The following ADGRB1 variants were observed in gnomAD, a reference collection of about 807,000 sequenced individuals.
ADGRB1 encodes the protein adhesion G protein-coupled receptor B1, also known as brain-specific angiogenesis inhibitor 1.
A neutral mutation model predicts 175.7 loss-of-function variants in ADGRB1; 36 were observed. The ratio of observed to expected loss-of-function variants is 0.20; its 90% confidence interval spans 0.16 to 0.27. The LOEUF is 0.27. Ranked by LOEUF, ADGRB1 falls within the 10% of genes least tolerant of loss-of-function variation. The probability of loss-of-function intolerance (pLI) is 1.00; values close to 1 mark genes in which losing one functional copy is unlikely to be tolerated. For synonymous variants in ADGRB1, 1,054 were observed against 979.4 expected (o/e 1.08, Z -1.42); for missense variants, 1,731 against 2,255.3 (o/e 0.77, Z 4.71).
chr8:142,506,778 T>G (rs1313065021), intron 17 of ADGRB1, among the ~76,000 whole-genome samples: 5 of 152,184 alleles, frequency 3.3e-5, no homozygotes, highest in African/African-American at 7.2e-5. Flanking sequence ...TAAGTCGACA[T>G]GCATCCAAGA....
At chr8:142,467,124 G>A (rs1840323060) in intron 2 of ADGRB1, among the ~76,000 whole-genome samples, 1 of 152,188 alleles carries the variant, frequency 6.6e-6, no homozygotes, top group South Asian at 2.1e-4. Context: ...CGGAGGGAGC[G>A]CTGAGCTTCA....
intron 19 of ADGRB1, 78 bp from the exon 20 acceptor site, chr8:142,520,745 T>C: frequency 7.7e-7 from 1 of 1,295,598 alleles, no homozygotes; most frequent in South Asian, 1.2e-5. Flanking sequence ...GGCTCTGGTC[T>C]TGGTGCCACA....
chr8:142,478,292 C>A lies in ADGRB1; in HGVS notation c.1493C>A (p.Ser498Tyr), dbSNP rs375491096. 7 of 1,610,672 alleles carry A rather than the reference C, an allele frequency of 4.3e-6. No individual in the cohort carries two copies. The highest frequency in any genetic ancestry group is 1.3e-5 in the African/African-American group (1 of 74,870). Residue 498 changes from serine to tyrosine, a missense_variant, in exon 7 of 31, where the codon TCC (serine) becomes TAC (tyrosine). Physicochemically the swap from Ser to Tyr is moderately radical, Grantham distance 144. Transcript: ENST00000517894. ...CGCACGCGTGAATGCAACGGGCCTT[C>A]CTACGGGGGTGCGGAGTGCCAGGGC... ...QQRTRECNGP[S>Y]YGGAECQGHW...
intron 7 of ADGRB1, chr8:142,479,109 G>A (rs1187905017): frequency 8.2e-6 from 4 of 485,522 alleles, no homozygotes; most frequent in African/African-American, 6.1e-5. Flanking sequence ...TGCATGTGGG[G>A]TGTTTGCTTT....
rs1487957396 is a variant in ADGRB1, at chr8:142,449,754, G to C, written c.-570G>C. 6.8e-6 allele frequency: 1 copy of C among 146,764 alleles called. No homozygotes were observed. The highest frequency in any genetic ancestry group is 2.5e-5 in the African/African-American group (1 of 40,662). The allele number at this position is 146,764 out of a possible 1,614,324, so 9.1% of individuals were successfully genotyped here. A position where few individuals can be genotyped will look rare whatever the true frequency, so the allele number is the denominator to read the frequency against. On this transcript the variant is annotated 5_prime_UTR_variant, in exon 1 of 31. Transcript: ENST00000517894. ...GCGCGGCGTTGGCGGCGGCCCCGGCGGAGCGAGCGCGGAGCCGGAGAGCCG... is the reference window on the plus strand; with the variant it reads ...GCGCGGCGTTGGCGGCGGCCCCGGCCGAGCGAGCGCGGAGCCGGAGAGCCG...
chr8:142,491,869 A>G (rs1473272111), intron 17 of ADGRB1, among the ~76,000 whole-genome samples: 1 of 152,116 alleles, frequency 6.6e-6, no homozygotes, highest in East Asian at 1.9e-4. Context: ...CAGGCGTTGG[A>G]GGACAAGGCT....
intron 25 of ADGRB1, among the ~76,000 whole-genome samples, chr8:142,535,818 G>A (rs183978644): frequency 4.8e-4 from 73 of 152,196 alleles, no homozygotes; most frequent in African/African-American, 1.3e-3. Flanking sequence ...AGGCATTTGC[G>A]GGGCAGGTCC....
At chr8:142,483,884 C>A in intron 11 of ADGRB1, 93 bp from the exon 12 acceptor site, 1 of 1,376,402 alleles carries the variant, frequency 7.3e-7, no homozygotes, top group Non-Finnish European at 1.0e-6. Flanking sequence ...CAGCCCTGAC[C>A]CTGGTCACAC....
At chr8:142,495,731 G>T (rs76937474) in intron 17 of ADGRB1, among the ~76,000 whole-genome samples, 1 of 151,942 alleles carries the variant, frequency 6.6e-6, no homozygotes, top group Non-Finnish European at 1.5e-5. Context: ...TAATGGATCT[G>T]TGCCCCCCCG....
At chr8:142,480,743 T>G (rs1022620586) in intron 9 of ADGRB1, among the ~76,000 whole-genome samples, 1 of 152,200 alleles carries the variant, frequency 6.6e-6, no homozygotes. Context: ...GCTGTCCCTG[T>G]TTCTCTGATG....
chr8:142,513,142 C>T (rs1376631037), intron 18 of ADGRB1, among the ~76,000 whole-genome samples: 1 of 152,200 alleles, frequency 6.6e-6, no homozygotes, highest in Non-Finnish European at 1.5e-5. Flanking sequence ...CCAGACAGGA[C>T]ATTTGAGGCC....
intron 17 of ADGRB1, among the ~76,000 whole-genome samples, chr8:142,501,261 T>C (rs1013324941): frequency 6.6e-6 from 1 of 151,740 alleles, no homozygotes; most frequent in Non-Finnish European, 1.5e-5. Flanking sequence ...TTAATGGCAG[T>C]GGTGGTGGTG....
chr8:142,504,065 C>A lies in ADGRB1; in HGVS notation c.2676-6867C>A, dbSNP rs1255773773. 6.6e-6 allele frequency among the ~76,000 whole-genome samples: 1 copy of A among 152,198 alleles called. No individual in the cohort carries two copies. The highest frequency in any genetic ancestry group is 2.4e-5 in the African/African-American group (1 of 41,454). ...ATCTGGCAAGCTGGGTTCAGTAAGA[C>A]CCAGGTCAGGCAGGTGTTCAAATGC... On this transcript the variant is annotated intron_variant, in intron 17 of 30. Transcript: ENST00000517894. This position sits in a 1 kb window ranked among gnomAD's most constrained non-coding sequence, Gnocchi z 5.6.
Position 142,542,667 on chromosome 8 carries a change from G to T in ADGRB1, c.4413+20G>T, listed in dbSNP as rs183954098. Reference sequence around the variant, plus strand: ...CTGGAGGTGAGGGGGGCAGGGGTGGGCCACACCCCAGCCAGCGAGGGCAGG... The same window carrying T: ...CTGGAGGTGAGGGGGGCAGGGGTGGTCCACACCCCAGCCAGCGAGGGCAGG... On this transcript the variant is annotated intron_variant, in intron 28 of 30. Transcript: ENST00000517894. This position sits in a 1 kb window ranked among gnomAD's most constrained non-coding sequence, Gnocchi z 6.3. 4 of 1,530,384 alleles carry T rather than the reference G, an allele frequency of 2.6e-6. No homozygotes were observed. Among genetic ancestry groups the T allele is most frequent in the Non-Finnish European group, 3.5e-6 (4 of 1,137,788 alleles). The allele number at this position is 1,530,384 out of a possible 1,614,324, so 94.8% of individuals were successfully genotyped here. A position where few individuals can be genotyped will look rare whatever the true frequency, so the allele number is the denominator to read the frequency against.
In ADGRB1 at chr8:142,519,171, T is replaced by C. The variant is rs1190144744; in HGVS notation, c.2921+930T>C. 2.6e-5 allele frequency among the ~76,000 whole-genome samples: 4 copies of C among 152,056 alleles called. No homozygotes were observed. The South Asian group carries it at 8.3e-4, about 32-fold the overall frequency. On this transcript the variant is annotated intron_variant, in intron 19 of 30. Coordinates refer to ENST00000517894, the MANE Select transcript of ADGRB1 (RefSeq NM_001702.3). ...CCTAGGGCCTGGATTCCACAAAACA[T>C]CTGGGGAATGGGGTTCAGGGGCTCT...
intron 18 of ADGRB1, among the ~76,000 whole-genome samples, chr8:142,514,553 G>T (rs1057321898): frequency 3.9e-5 from 6 of 152,182 alleles, no homozygotes; most frequent in African/African-American, 1.4e-4. Flanking sequence ...GACAGTTGTT[G>T]TTGGCATGAC....
chr8:142,485,391 C>G (rs186818326), intron 13 of ADGRB1, among the ~76,000 whole-genome samples: 14 of 152,368 alleles, frequency 9.2e-5, no homozygotes, highest in African/African-American at 3.4e-4. Context: ...ATCAGAGAGT[C>G]TCTCAAAGCA....
intron 11 of ADGRB1, among the ~76,000 whole-genome samples, chr8:142,483,494 C>T (rs543534226): frequency 4.6e-5 from 7 of 150,964 alleles, no homozygotes; most frequent in Non-Finnish European, 7.4e-5. Context: ...ACATGCTGAA[C>T]CCTGGCCCTG....
In ADGRB1 at chr8:142,544,578, G is replaced by T; in HGVS notation, c.*161G>T. 4.7e-6 allele frequency: 4 copies of T among 849,262 alleles called. 1 individual carries two copies. In the South Asian group the frequency reaches 1.0e-4, roughly 21 times the overall value. The allele number at this position is 849,262 out of a possible 1,614,324, so 52.6% of individuals were successfully genotyped here. A position where few individuals can be genotyped will look rare whatever the true frequency, so the allele number is the denominator to read the frequency against. ...GCCAGGCACAGGGCCCGCAGTGCTG[G>T]GACCAGAGCCAGATGCAGGACAGGA... is the stretch of plus-strand genomic sequence containing the variant. On this transcript the variant is annotated 3_prime_UTR_variant, in exon 31 of 31. Transcript: ENST00000517894.
Sources: gnomAD v4.1 joint callset for allele counts (sites outside exome capture counted in the v4.1 genomes callset) on GRCh38, gnomAD v4.1.1 for gene constraint, Gnocchi (gnomAD v3.1) non-coding constraint, MANE v1.5 for transcripts, NCBI Gene and HGNC (gene_info 2026-07-23, HGNC 2026-07-21) for gene names.